Variants in SLC44A5 observed in about 807,000 individuals in gnomAD.
SLC44A5 encodes solute carrier family 44 member 5.
Under a neutral mutation model 101.8 loss-of-function variants are expected in SLC44A5, and 57 were observed. The observed-to-expected ratio is 0.56, with a 90% confidence interval of 0.45 to 0.70. The LOEUF (loss-of-function observed/expected upper bound fraction) is 0.70. Ranked by LOEUF, SLC44A5 falls within the 30% of genes least tolerant of loss-of-function variation. The pLI, the probability that SLC44A5 is intolerant of heterozygous loss-of-function variation, is 0.00. For synonymous variants in SLC44A5, 281 were observed against 290.9 expected (o/e 0.97, Z 0.35); for missense variants, 737 against 853.1 (o/e 0.86, Z 1.70).
the SLC44A5 span, among the ~76,000 whole-genome samples, chr1:75,667,961 A>G: frequency 6.6e-6 from 1 of 152,194 alleles, no homozygotes; most frequent in Admixed American, 6.5e-5. Flanking sequence ...ATGCTCCCAG[A>G]CTGGGGTCTC....
chr1:75,360,929 C>G (rs1185684022), intron 3 of SLC44A5, among the ~76,000 whole-genome samples: 1 of 152,126 alleles, frequency 6.6e-6, no homozygotes, highest in Non-Finnish European at 1.5e-5. Flanking sequence ...ATTAATTCTT[C>G]CATTCCATGA....
intron 1 of SLC44A5, among the ~76,000 whole-genome samples, chr1:75,567,299 A>G (rs1250705604): frequency 6.6e-6 from 1 of 152,208 alleles, no homozygotes; most frequent in Non-Finnish European, 1.5e-5. Flanking sequence ...GAATTCACCC[A>G]GAAGATAGAC....
chr1:75,426,310 A>T (rs551635620), intron 2 of SLC44A5, among the ~76,000 whole-genome samples: 57 of 152,324 alleles, frequency 3.7e-4, no homozygotes, highest in African/African-American at 1.3e-3. Flanking sequence ...AAATCATTCC[A>T]GGTGTTCTTT....
the SLC44A5 span, among the ~76,000 whole-genome samples, chr1:75,630,344 T>C: frequency 1.3e-5 from 2 of 152,150 alleles, no homozygotes; most frequent in Non-Finnish European, 2.9e-5. Context: ...AGGGTCCTTA[T>C]CAAGTCTCAG....
intron 2 of SLC44A5, among the ~76,000 whole-genome samples, chr1:75,479,853 A>ATCAATTTCAGATTGGAATTT (rs1667714385): frequency 6.6e-6 from 1 of 152,228 alleles, no homozygotes; most frequent in Non-Finnish European, 1.5e-5. Context: ...TCCTTCTGAA[A>ATCAATTTCAGATTGGAATTT]CTATTCCAAT....
At chr1:75,265,702 T>C (rs1650927791) in intron 6 of SLC44A5, among the ~76,000 whole-genome samples, 1 of 152,150 alleles carries the variant, frequency 6.6e-6, no homozygotes, top group Non-Finnish European at 1.5e-5. Context: ...ATATTACATA[T>C]TACATATCAG....
intron 1 of SLC44A5, among the ~76,000 whole-genome samples, chr1:75,568,377 G>T (rs559656806): frequency 6.6e-6 from 1 of 152,260 alleles, no homozygotes; most frequent in East Asian, 1.9e-4. Context: ...CCAACTCTTT[G>T]GAAGGACATA....
chr1:75,669,148 T>C, the SLC44A5 span, among the ~76,000 whole-genome samples: 2 of 151,676 alleles, frequency 1.3e-5, no homozygotes, highest in South Asian at 4.1e-4. Context: ...TTCTTTTCTT[T>C]GTACCCAGAT....
chr1:75,701,587 A>G, the SLC44A5 span, among the ~76,000 whole-genome samples: 5 of 152,176 alleles, frequency 3.3e-5, no homozygotes, highest in Admixed American at 6.6e-5. Context: ...TTCCCTTTGA[A>G]AACTGGCACA....
At chr1:75,510,550 C>T (rs951807627) in intron 2 of SLC44A5, among the ~76,000 whole-genome samples, 3 of 152,120 alleles carry the variant, frequency 2.0e-5, no homozygotes, top group African/African-American at 4.8e-5. Flanking sequence ...ATATGAATAT[C>T]GCATTCCTGA....
chr1:75,569,520 G>T (rs908880446), intron 1 of SLC44A5, among the ~76,000 whole-genome samples: 3 of 152,100 alleles, frequency 2.0e-5, no homozygotes, highest in Non-Finnish European at 4.4e-5. Flanking sequence ...GGGATTATAG[G>T]TGTGAGCCAC....
At chr1:75,507,961 T>C (rs1200393688) in intron 2 of SLC44A5, among the ~76,000 whole-genome samples, 1 of 152,140 alleles carries the variant, frequency 6.6e-6, no homozygotes, top group South Asian at 2.1e-4. Flanking sequence ...CAGTGTTAGA[T>C]AGACCATCAA....
the SLC44A5 span, among the ~76,000 whole-genome samples, chr1:75,696,499 T>C: frequency 1.4e-4 from 21 of 152,102 alleles, no homozygotes; most frequent in Admixed American, 3.3e-4. Flanking sequence ...GTAACTAAAA[T>C]TGAGAAAAGG....
At chr1:75,355,869 A>T (rs183888680) in intron 3 of SLC44A5, among the ~76,000 whole-genome samples, 118 of 152,178 alleles carry the variant, frequency 7.8e-4, no homozygotes, top group Middle Eastern at 3.4e-3. Context: ...TTTATTTTTT[A>T]AAAAAACCCA....
Position 75,559,334 on chromosome 1 carries a change from C to CCTAAATG in SLC44A5, c.-69-17825_-69-17819dup, listed in dbSNP as rs1672391622. Among the ~76,000 whole-genome samples the CCTAAATG allele has an allele frequency of 6.6e-5, 10 of 152,012 alleles. No homozygotes were observed. In the South Asian group the frequency reaches 2.1e-3, roughly 32 times the overall value. The stretch of plus-strand genomic sequence containing the variant: ...TACAAACAAGAGGAAAGCAGAACAG[C>CCTAAATG]CTAAATGCTAGGAACTGCACAAGCA... On this transcript the variant is annotated intron_variant, in intron 1 of 23. Transcript: ENST00000370859.
chr1:75,282,024 G>A (rs2100783432), intron 5 of SLC44A5, among the ~76,000 whole-genome samples: 1 of 152,256 alleles, frequency 6.6e-6, no homozygotes, highest in Non-Finnish European at 1.5e-5. Context: ...AGAATGGTAG[G>A]TTCACCAACA....
intron 2 of SLC44A5, among the ~76,000 whole-genome samples, chr1:75,442,174 T>C (rs766822050): frequency 5.0e-4 from 76 of 152,236 alleles, no homozygotes; most frequent in Middle Eastern, 6.8e-3. Flanking sequence ...GCCCATGTGT[T>C]TAACCCATAT....
chr1:75,241,824 C>G (rs1312384893), intron 9 of SLC44A5, among the ~76,000 whole-genome samples, 177 bp downstream of exon 9: 2 of 152,030 alleles, frequency 1.3e-5, no homozygotes, highest in Non-Finnish European at 2.9e-5. Flanking sequence ...GAAAATGTAC[C>G]TGGCTGGAGC....
chr1:75,614,713 G>A (rs1208500060), upstream of SLC44A5, among the ~76,000 whole-genome samples: 2 of 152,136 alleles, frequency 1.3e-5, no homozygotes, highest in Non-Finnish European at 2.9e-5. Context: ...TAACCCCAAA[G>A]GCTCAGTAAG....
Sources: gnomAD v4.1 joint callset for allele counts (sites outside exome capture counted in the v4.1 genomes callset) on GRCh38, gnomAD v4.1.1 for gene constraint, MANE v1.5 for transcripts, NCBI Gene and HGNC (gene_info 2026-07-23, HGNC 2026-07-21) for gene names.